The following WDR72 variants were observed in gnomAD, a reference collection of about 807,000 sequenced individuals.
The protein encoded by WDR72 is WD repeat-containing protein 72.
In WDR72, 120 loss-of-function variants were observed where a neutral mutation model predicts 124.2. The ratio of observed to expected loss-of-function variants is 0.97; its 90% CI spans 0.83 to 1.12. The LOEUF (loss-of-function observed/expected upper bound fraction) is 1.12. Ranked by LOEUF, WDR72 falls within the 50% of genes most tolerant of loss-of-function variation. The pLI is 0.00. For missense variants in WDR72, 1,387 were observed against 1,278.8 expected (o/e 1.08, Z -1.29); for synonymous variants, 452 against 441.7 (o/e 1.02, Z -0.29).
At chr15:53,715,864 T>A (rs28612415) in intron 4 of WDR72, among the ~76,000 whole-genome samples, 7,270 of 152,272 alleles carry the variant, frequency 0.048, 615 homozygotes, top group African/African-American at 0.17. Flanking sequence ...TTCCTTGCCA[T>A]AGCAACAATG....
intron 18 of WDR72, among the ~76,000 whole-genome samples, chr15:53,593,872 TA>T (rs1224437068): frequency 1.3e-5 from 2 of 151,846 alleles, no homozygotes; most frequent in African/African-American, 2.4e-5. Flanking sequence ...GTATGTAAAA[TA>T]AAAAAATAAC....
intron 18 of WDR72, among the ~76,000 whole-genome samples, chr15:53,594,395 G>T (rs2012662075): frequency 6.6e-6 from 1 of 151,846 alleles, no homozygotes; most frequent in African/African-American, 2.4e-5. Flanking sequence ...TATACAATTT[G>T]CCATAAGAAT....
At chr15:53,551,180 G>A (rs1893712954) in intron 18 of WDR72, among the ~76,000 whole-genome samples, 1 of 152,112 alleles carries the variant, frequency 6.6e-6, no homozygotes, top group African/African-American at 2.4e-5. Flanking sequence ...CTGGTCTGGG[G>A]AATGGAGGAT....
chr15:53,525,936 G>A (rs557288825), intron 18 of WDR72, among the ~76,000 whole-genome samples: 16 of 152,048 alleles, frequency 1.1e-4, no homozygotes, highest in Non-Finnish European at 2.1e-4. Context: ...CACTGGAGAG[G>A]TTAATTACTG....
intron 13 of WDR72, among the ~76,000 whole-genome samples, chr15:53,686,626 C>G (rs1369607808): frequency 6.7e-6 from 1 of 149,744 alleles, no homozygotes; most frequent in Non-Finnish European, 1.5e-5. Flanking sequence ...ACTTTAACAC[C>G]CCACTGTCAA....
chr15:53,703,949 T>A (rs1484033658), intron 11 of WDR72, among the ~76,000 whole-genome samples: 1 of 152,160 alleles, frequency 6.6e-6, no homozygotes, highest in East Asian at 1.9e-4. Flanking sequence ...TCAGCCTAGA[T>A]AAAAACTGCT....
At chr15:53,711,552 T>C in intron 7 of WDR72, 71 bp from the exon 8 acceptor site, 11 of 1,487,762 alleles carry the variant, frequency 7.4e-6, no homozygotes, top group South Asian at 5.7e-5. Flanking sequence ...ATATAAATTA[T>C]GATAGTAATA....
chr15:53,656,749 G>A (rs1474670227), intron 14 of WDR72, among the ~76,000 whole-genome samples: 1 of 151,822 alleles, frequency 6.6e-6, no homozygotes. Flanking sequence ...CAGTGCATTA[G>A]TCATTAAAAA....
chr15:53,591,671 C>T (rs1197258702), intron 18 of WDR72, among the ~76,000 whole-genome samples: 1 of 149,086 alleles, frequency 6.7e-6, no homozygotes, highest in Non-Finnish European at 1.5e-5. Context: ...CACATATATA[C>T]ATACAACACA....
chr15:53,700,081 C>T, intron 12 of WDR72, 136 bp from the exon 13 acceptor site: 1 of 960,830 alleles, frequency 1.0e-6, no homozygotes, highest in Non-Finnish European at 1.6e-6. Context: ...CTGCTTTCTA[C>T]AGCACCTTTC....
At chr15:53,697,627 C>A (rs1445991473) in intron 13 of WDR72, among the ~76,000 whole-genome samples, 1 of 152,160 alleles carries the variant, frequency 6.6e-6, no homozygotes, top group Non-Finnish European at 1.5e-5. Flanking sequence ...CTAATCCCTG[C>A]CCACACCTCT....
chr15:53,582,089 C>G (rs1429673561), intron 18 of WDR72, among the ~76,000 whole-genome samples: 2 of 151,922 alleles, frequency 1.3e-5, no homozygotes. Flanking sequence ...GTTGTTATAA[C>G]TGGAGCATCT....
chr15:53,515,062 T>TATACACACATATATATGTATGTATACAC lies in WDR72; in HGVS notation c.*2609_*2636dup. 8.4e-6 allele frequency: 1 copy of TATACACACATATATATGTATGTATACAC among 119,560 alleles called. No homozygotes were observed. Among genetic ancestry groups the TATACACACATATATATGTATGTATACAC allele is most frequent in the African/African-American group, 2.8e-5 (1 of 35,450 alleles). 7.4% of individuals were successfully genotyped at this position (119,560 alleles called of 1,614,324 possible). On this transcript the variant is annotated 3_prime_UTR_variant, in exon 20 of 20. Transcript: ENST00000360509. Reference sequence around the variant, plus strand: ...ATGTGTATATATATGTGTGTATATATATACACACATATATATGTATGTATA... The same window carrying TATACACACATATATATGTATGTATACAC: ...ATGTGTATATATATGTGTGTATATATATACACACATATATATGTATGTATACACATACACACATATATATGTATGTATA...
Position 53,663,182 on chromosome 15 carries a change from T to G in WDR72, c.1962+2390A>C, listed in dbSNP as rs188314351. Among the ~76,000 whole-genome samples the G allele has an allele frequency of 2.9e-3, 444 of 152,028 alleles. 2 individuals carry two copies. Among genetic ancestry groups the G allele is most frequent in the Middle Eastern group, 0.017 (5 of 294 alleles). ...AAGAGAAAAAGTGTATAATAGACAT[T>G]GAAGATACCCAGAACATAAATTAAA... is the stretch of plus-strand genomic sequence containing the variant. On this transcript the variant is annotated intron_variant, in intron 14 of 19. Coordinates refer to ENST00000360509, the MANE Select transcript of WDR72 (RefSeq NM_182758.4).
At chr15:53,752,312 T>C (rs1026708246) in intron 1 of WDR72, among the ~76,000 whole-genome samples, 11 of 152,196 alleles carry the variant, frequency 7.2e-5, no homozygotes, top group African/African-American at 2.7e-4. Context: ...TGACCTTATT[T>C]GGACATGGGC....
At chr15:53,522,174 T>C (rs1891840782) in intron 19 of WDR72, among the ~76,000 whole-genome samples, 1 of 152,042 alleles carries the variant, frequency 6.6e-6, no homozygotes, top group South Asian at 2.1e-4. Context: ...CTGACATAGA[T>C]TGCAGGCTGC....
chr15:53,598,249 T>C (rs4581659), intron 17 of WDR72, among the ~76,000 whole-genome samples: 1 of 85,974 alleles, frequency 1.2e-5, no homozygotes, highest in Non-Finnish European at 3.4e-5. Context: ...TTCATATAGC[T>C]ACATCCCAGT....
At chr15:53,692,230 A>G (rs903649848) in intron 13 of WDR72, among the ~76,000 whole-genome samples, 3 of 152,150 alleles carry the variant, frequency 2.0e-5, no homozygotes, top group Admixed American at 2.0e-4. Flanking sequence ...AAATTGTTTC[A>G]AAGGTACAAG....
At chr15:53,655,129 A>G (rs2614209) in intron 14 of WDR72, among the ~76,000 whole-genome samples, 11,024 of 149,288 alleles carry the variant, frequency 0.074, 991 homozygotes, top group African/African-American at 0.21. Context: ...TACCCAGGAG[A>G]CTGAGGCAGG....
Sources: gnomAD v4.1 joint callset for allele counts (sites outside exome capture counted in the v4.1 genomes callset) on GRCh38, gnomAD v4.1.1 for gene constraint, MANE v1.5 for transcripts, NCBI Gene and HGNC (gene_info 2026-07-23, HGNC 2026-07-21) for gene names.